The following MRI1 variants were observed in gnomAD, a reference collection of about 807,000 sequenced individuals.
MRI1 encodes the protein methylthioribose-1-phosphate isomerase.
Under a neutral mutation model 27.3 loss-of-function variants are expected in MRI1, and 32 were observed. That is an observed-to-expected ratio of 1.17 (90% CI 0.88 to 1.57). The LOEUF is 1.57. Ranked by LOEUF, MRI1 falls within the 40% of genes most tolerant of loss-of-function variation. MRI1 has a pLI of 0.00. For synonymous variants in MRI1, 216 were observed against 227.4 expected, an observed-to-expected ratio of 0.95 and a Z score of 0.45; for missense variants, 508 against 516.1, an observed-to-expected ratio of 0.98 and a Z score of 0.15.
intron 3 of MRI1, among the ~76,000 whole-genome samples, chr19:13,767,273 C>G (rs965502339): frequency 2.0e-5 from 3 of 151,802 alleles, no homozygotes; most frequent in Non-Finnish European, 4.4e-5. Context: ...TCTCGAACTT[C>G]TGACCTTAGG....
chr19:13,766,184 A>G (rs995600428), intron 3 of MRI1, 55 bp downstream of exon 3: 12 of 1,459,658 alleles, frequency 8.2e-6, no homozygotes, highest in Non-Finnish European at 1.1e-5. Context: ...TTTTTTAGAT[A>G]CAAGAGAAAG....
intron 5 of MRI1, among the ~76,000 whole-genome samples, chr19:13,770,791 G>A (rs1307600947): frequency 6.6e-6 from 1 of 152,024 alleles, no homozygotes; most frequent in African/African-American, 2.4e-5. Context: ...GCTGAGGCAG[G>A]AGAATTGCTT....
intron 5 of MRI1, among the ~76,000 whole-genome samples, chr19:13,771,720 GT>G (rs1169229662): frequency 6.6e-6 from 1 of 151,990 alleles, no homozygotes; most frequent in Non-Finnish European, 1.5e-5. Context: ...GCTGGGCATG[GT>G]GGTGCATGCC....
chr19:13,769,938 A>G (rs1045848747), intron 5 of MRI1, among the ~76,000 whole-genome samples: 1 of 151,708 alleles, frequency 6.6e-6, no homozygotes, highest in African/African-American at 2.4e-5. Flanking sequence ...AAAAGAAAAG[A>G]AAAAGCAAGA....
Position 13,773,067 on chromosome 19 carries a change from G to A in MRI1, c.*786G>A, listed in dbSNP as rs1462579526. ...CTCGTTACCCAGGCTGGAATGTAGA[G>A]GCGAGATCTCAGCTCACTGAAACCT... On this transcript the variant is annotated 3_prime_UTR_variant, in exon 6 of 6. Coordinates refer to ENST00000040663, the MANE Select transcript of MRI1 (RefSeq NM_001031727.4). The A allele has an allele frequency of 6.6e-6, 1 of 151,206 alleles. No individual in the cohort carries two copies. Among genetic ancestry groups the A allele is most frequent in the East Asian group, 2.0e-4 (1 of 5,090 alleles). The allele number at this position is 151,206 out of a possible 1,614,324, so 9.4% of individuals were successfully genotyped here.
chr19:13,769,013 T>A lies in MRI1; in HGVS notation c.914T>A (p.Leu305Gln), dbSNP rs373564107. The A allele has an allele frequency of 6.2e-7, 1 of 1,613,442 alleles. No individual in the cohort carries two copies. Among genetic ancestry groups the A allele is most frequent in the Non-Finnish European group, 8.5e-7 (1 of 1,179,716 alleles). The change falls in exon 5 of 6, where the codon CTG (leucine) becomes CAG (glutamine). Residue 305 changes from leucine (L) to glutamine (Q), a missense_variant. Physicochemically the swap from Leu to Gln is moderately radical, Grantham distance 113. Around this residue, in one of 3 missense-constraint regions of MRI1, gnomAD observed 457 missense variants for 452.8 expected, o/e 1.01. Coordinates refer to ENST00000040663, the MANE Select transcript of MRI1 (RefSeq NM_001031727.4). The stretch of plus-strand genomic sequence containing the variant: ...ATTGAAGAGCGACCGGGCCAGGAGC[T>A]GACCGATGTTAATGGGGTCCGGATT... ...IIIEERPGQELTDVNGVRIAA... is the reference protein window; with the variant it reads ...IIIEERPGQEQTDVNGVRIAA...
intron 5 of MRI1, among the ~76,000 whole-genome samples, chr19:13,771,643 C>G (rs148536747): frequency 5.8e-4 from 89 of 152,282 alleles, no homozygotes; most frequent in Middle Eastern, 3.4e-3. Context: ...GGGCAGATCA[C>G]CTGAGGTCGG....
rs151129587 is a variant in MRI1 at position 13,768,635 on chromosome 19, G to A, written c.622G>A (p.Gly208Arg). 861 of 1,613,710 alleles carry A rather than the reference G, an allele frequency of 5.3e-4. 1 individual carries two copies. Among genetic ancestry groups the A allele is most frequent in the Non-Finnish European group, 6.8e-4 (798 of 1,179,922 alleles). The part of the protein sequence containing the change: ...FCTETRPYNQ[G>R]ARLTAFELVY... ...CACAGAGACCCGGCCCTACAACCAG[G>A]GAGCCCGGCTGACGGCCTTTGAGCT... is the stretch of plus-strand genomic sequence containing the variant. Residue 208 changes from glycine to arginine, a missense_variant, in exon 4 of 6, where the codon GGA (glycine) becomes AGA (arginine). By Grantham distance (125) the Gly-to-Arg change is moderately radical. Transcript: ENST00000040663.
intron 2 of MRI1, 86 bp from the exon 3 acceptor site, chr19:13,765,868 C>T (rs185231155): frequency 7.6e-6 from 11 of 1,444,026 alleles, no homozygotes; most frequent in Non-Finnish European, 7.5e-6. Flanking sequence ...AGGAGGGCTC[C>T]AGGACAGCAG....
intron 5 of MRI1, among the ~76,000 whole-genome samples, chr19:13,771,573 T>G (rs1974269247): frequency 6.6e-6 from 1 of 151,168 alleles, no homozygotes; most frequent in Non-Finnish European, 1.5e-5. Flanking sequence ...AAAAAATAAG[T>G]GGGATGGGCC....
In MRI1 at chr19:13,764,546, C is replaced by G. The variant is rs562164913; in HGVS notation, c.-43C>G. On this transcript the variant is annotated 5_prime_UTR_variant, in exon 1 of 6. Transcript: ENST00000040663. ...CGCCCCGCTCCCAAGTGCGCGCGGA[C>G]CCCTAGCTCCCTCTGAGTTGCGCTG... 1.2e-4 allele frequency: 191 copies of G among 1,593,912 alleles called. 2 individuals carry two copies. In the South Asian group the frequency reaches 1.9e-3, roughly 16 times the overall value.
At chr19:13,765,233 C>A (rs184235311) in intron 2 of MRI1, 124 bp downstream of exon 2, 5 of 784,218 alleles carry the variant, frequency 6.4e-6, no homozygotes, top group Non-Finnish European at 9.2e-6. Flanking sequence ...TTGTCCAGGG[C>A]CCCACAGATG....
rs375984822 is a variant in MRI1, at chr19:13,764,533, A to T, written c.-56A>T. Reference sequence around the variant, plus strand: ...CCGCCCACGGCCCCGCCCCGCTCCCAAGTGCGCGCGGACCCCTAGCTCCCT... The same window carrying T: ...CCGCCCACGGCCCCGCCCCGCTCCCTAGTGCGCGCGGACCCCTAGCTCCCT... On this transcript the variant is annotated 5_prime_UTR_variant, in exon 1 of 6. Coordinates refer to ENST00000040663, the MANE Select transcript of MRI1 (RefSeq NM_001031727.4). The T allele has an allele frequency of 4.4e-6, 7 of 1,585,470 alleles. No individual in the cohort carries two copies. Among genetic ancestry groups the T allele is most frequent in the Non-Finnish European group, 6.0e-6 (7 of 1,167,356 alleles).
chr19:13,766,863 A>G (rs1359841338), intron 3 of MRI1, among the ~76,000 whole-genome samples: 3 of 151,658 alleles, frequency 2.0e-5, no homozygotes, highest in Non-Finnish European at 4.4e-5. Flanking sequence ...AGCAGAAGGA[A>G]CAGTCAACAG....
intron 2 of MRI1, among the ~76,000 whole-genome samples, chr19:13,765,374 C>T: frequency 6.6e-6 from 1 of 152,150 alleles, no homozygotes; most frequent in East Asian, 1.9e-4. Flanking sequence ...CACGCAGCCC[C>T]TTATCCGCCC....
intron 5 of MRI1, among the ~76,000 whole-genome samples, chr19:13,770,744 G>A (rs996928157): frequency 5.9e-5 from 9 of 152,146 alleles, no homozygotes; most frequent in Non-Finnish European, 8.8e-5. Context: ...TTAGCCGGGC[G>A]TGGTGGCACA....
chr19:13,769,777 G>A (rs1314200880), intron 5 of MRI1, among the ~76,000 whole-genome samples: 4 of 151,664 alleles, frequency 2.6e-5, no homozygotes, highest in Middle Eastern at 3.2e-3. Flanking sequence ...AAAATTAGCC[G>A]GACATGGTGG....
At chr19:13,768,761 G>A in intron 4 of MRI1, 24 bp downstream of exon 4, 1 of 1,602,340 alleles carries the variant, frequency 6.2e-7, no homozygotes, top group Non-Finnish European at 8.5e-7. Context: ...AAGCCCTGGG[G>A]GCGGGGCTCT....
At chr19:13,769,295 C>T (rs1974220399) in intron 5 of MRI1, among the ~76,000 whole-genome samples, 1 of 152,210 alleles carries the variant, frequency 6.6e-6, no homozygotes, top group South Asian at 2.1e-4. Flanking sequence ...CCCCAAGTAG[C>T]TGGGACTATA....
Sources: allele counts gnomAD v4.1 joint callset (sites outside exome capture counted in the v4.1 genomes callset), GRCh38; gene constraint gnomAD v4.1.1; regional missense constraint gnomAD v4.1.1; transcripts MANE v1.5; gene names NCBI Gene and HGNC (gene_info 2026-07-23, HGNC 2026-07-21).